FGF5: variants seen among roughly 807,000 people sequenced by gnomAD.
FGF5 encodes the protein fibroblast growth factor 5.
A neutral mutation model predicts 21.8 loss-of-function variants in FGF5; 23 were observed. The ratio of observed to expected loss-of-function variants is 1.05; its 90% CI spans 0.76 to 1.49. The LOEUF (loss-of-function observed/expected upper bound fraction) is 1.49, where lower values mean the gene tolerates loss of function less well. Among genes scored for constraint, FGF5 ranks in the 40% most tolerant of loss-of-function variants. The pLI is 0.00. For synonymous variants in FGF5, 158 were observed against 124.0 expected, an observed-to-expected ratio of 1.27 and a Z score of -1.82; for missense variants, 352 against 332.9, an observed-to-expected ratio of 1.06 and a Z score of -0.45.
chr4:80,273,472 C>T (rs1720326859), intron 1 of FGF5, among the ~76,000 whole-genome samples: 1 of 152,062 alleles, frequency 6.6e-6, no homozygotes, highest in Non-Finnish European at 1.5e-5. Flanking sequence ...AATAAAGTTA[C>T]TCACATATAT....
intron 1 of FGF5, among the ~76,000 whole-genome samples, chr4:80,271,736 T>C: frequency 6.6e-6 from 1 of 152,214 alleles, no homozygotes; most frequent in East Asian, 1.9e-4. Context: ...AAATACTGCC[T>C]TGGCATCCAT....
intron 1 of FGF5, among the ~76,000 whole-genome samples, chr4:80,273,428 A>T (rs1259127666): frequency 6.6e-6 from 1 of 152,188 alleles, no homozygotes; most frequent in African/African-American, 2.4e-5. Context: ...CTAGAATTAT[A>T]GATGTTAGCT....
chr4:80,278,636 C>T (rs533833387), intron 2 of FGF5, among the ~76,000 whole-genome samples: 7 of 152,296 alleles, frequency 4.6e-5, no homozygotes, highest in Middle Eastern at 3.4e-3. Context: ...ATTCAGGCAG[C>T]ATTGATGCTG....
intron 2 of FGF5, among the ~76,000 whole-genome samples, chr4:80,280,642 GATA>G (rs1720525998): frequency 6.6e-6 from 1 of 152,120 alleles, no homozygotes; most frequent in Non-Finnish European, 1.5e-5. Flanking sequence ...AAAAAAATCA[GATA>G]ATACTATCCT....
At chr4:80,268,560 C>T (rs1720169319) in intron 1 of FGF5, 25 of 984,432 alleles carry the variant, frequency 2.5e-5, no homozygotes, top group Non-Finnish European at 2.9e-5. Flanking sequence ...GTCGGAGGCG[C>T]GCAAGTGGGT....
intron 2 of FGF5, among the ~76,000 whole-genome samples, chr4:80,277,785 T>C (rs1170608351): frequency 6.6e-6 from 1 of 152,096 alleles, no homozygotes; most frequent in Non-Finnish European, 1.5e-5. Context: ...AAACTAAAAA[T>C]ATAAAATATT....
In FGF5 at chr4:80,275,030, A is replaced by C. The variant is rs780448467; in HGVS notation, c.459+18A>C. 9.2e-7 allele frequency: 1 copy of C among 1,088,772 alleles called. No individual in the cohort carries two copies. Among genetic ancestry groups the C allele is most frequent in the African/African-American group, 1.6e-5 (1 of 62,764 alleles). 67.4% of individuals were successfully genotyped at this position (1,088,772 alleles called of 1,614,324 possible). A position where few individuals can be genotyped will look rare whatever the true frequency, so the allele number is the denominator to read the frequency against. ...ATGCAAGTGTAAGTAGAACCACTTTATATTTGTTAAAGGTGCTATAAAGAT... is the reference window on the plus strand; with the variant it reads ...ATGCAAGTGTAAGTAGAACCACTTTCTATTTGTTAAAGGTGCTATAAAGAT... On this transcript the variant is annotated intron_variant, in intron 2 of 2. Coordinates refer to ENST00000312465, the MANE Select transcript of FGF5 (RefSeq NM_004464.4).
intron 2 of FGF5, among the ~76,000 whole-genome samples, chr4:80,285,840 AAC>A (rs1419712581): frequency 1.3e-5 from 2 of 152,220 alleles, no homozygotes; most frequent in Non-Finnish European, 2.9e-5. Context: ...TCACACTGAT[AAC>A]ATTGAAAAAA....
chr4:80,286,626 A>C lies in FGF5; in HGVS notation c.761A>C (p.Lys254Thr). ...KPKIPLSAPR[K>T]NTNSVKYRLK... ...AAGATTCCCCTTTCTGCACCTCGGA[A>C]AAATACCAACTCAGTGAAATACAGA... Residue 254 changes from lysine (K) to threonine (T), a missense_variant, in exon 3 of 3, where the codon AAA (lysine) becomes ACA (threonine). By Grantham distance (78) the Lys-to-Thr change is moderately conservative (BLOSUM62 -1). Coordinates refer to ENST00000312465, the MANE Select transcript of FGF5 (RefSeq NM_004464.4). The C allele has an allele frequency of 6.2e-7, 1 of 1,614,088 alleles. No individual in the cohort carries two copies. Among genetic ancestry groups the C allele is most frequent in the South Asian group, 1.1e-5 (1 of 91,082 alleles).
intron 2 of FGF5, 92 bp downstream of exon 2, chr4:80,275,104 T>C (rs2109921685): frequency 3.7e-6 from 2 of 537,402 alleles, no homozygotes; most frequent in East Asian, 6.8e-5. Context: ...GGTAAGAAAA[T>C]TTGCCCAAAG....
rs1319217818 is a variant in FGF5, at chr4:80,289,882, C to T, written c.*3210C>T. The T allele has an allele frequency of 6.6e-6, 1 of 151,978 alleles. No individual in the cohort carries two copies. The highest frequency in any genetic ancestry group is 1.5e-5 in the Non-Finnish European group (1 of 67,968). The allele number at this position is 151,978 out of a possible 1,614,324, so 9.4% of individuals were successfully genotyped here. On this transcript the variant is annotated 3_prime_UTR_variant, in exon 3 of 3. Coordinates refer to ENST00000312465, the MANE Select transcript of FGF5 (RefSeq NM_004464.4). The stretch of plus-strand genomic sequence containing the variant: ...AAAAATTACATATATAAAACTAAGG[C>T]TTTTATTTCTGTTATTTTTAAGCTT...
At position 80,286,339 on chromosome 4, in the gene FGF5, T is replaced by A; in HGVS notation, c.474T>A (p.Asp158Glu). 3 of 1,590,300 alleles carry A rather than the reference T, an allele frequency of 1.9e-6. No homozygotes were observed. The highest frequency in any genetic ancestry group is 1.1e-5 in the South Asian group (1 of 88,548). Reference sequence around the variant, plus strand: ...CTCCTCCTTAGGCCAAGTTCACAGATGACTGCAAGTTCAGGGAGCGTTTTC... The same window carrying A: ...CTCCTCCTTAGGCCAAGTTCACAGAAGACTGCAAGTTCAGGGAGCGTTTTC... ...GKLHASAKFT[D>E]DCKFRERFQE... The change falls in exon 3 of 3, where the codon GAT becomes GAA. Residue 158 changes from aspartate to glutamate, a missense_variant. Transcript: ENST00000312465.
chr4:80,279,466 A>G (rs1720496212), intron 2 of FGF5, among the ~76,000 whole-genome samples: 1 of 152,170 alleles, frequency 6.6e-6, no homozygotes, highest in African/African-American at 2.4e-5. Context: ...TATTCAGGCC[A>G]GCCCCAACTC....
In FGF5 at chr4:80,288,384, G is replaced by A. The variant is rs1433008549; in HGVS notation, c.*1712G>A. The A allele has an allele frequency of 1.3e-5, 2 of 151,870 alleles. No homozygotes were observed. Among genetic ancestry groups the A allele is most frequent in the Non-Finnish European group, 2.9e-5 (2 of 67,976 alleles). The allele number at this position is 151,870 out of a possible 1,614,324, so 9.4% of individuals were successfully genotyped here. On this transcript the variant is annotated 3_prime_UTR_variant, in exon 3 of 3. Transcript: ENST00000312465. The stretch of plus-strand genomic sequence containing the variant: ...ACTAAAACATTATATGTATACATCA[G>A]TATAGTGTTTTATTATAAAGCCAAT...
chr4:80,283,179 C>T (rs951996746), intron 2 of FGF5, among the ~76,000 whole-genome samples: 2 of 152,114 alleles, frequency 1.3e-5, no homozygotes, highest in African/African-American at 4.8e-5. Flanking sequence ...ATTAAGAAAG[C>T]CAAAACAGTC....
At chr4:80,273,625 T>C (rs781147004) in intron 1 of FGF5, among the ~76,000 whole-genome samples, 15 of 152,300 alleles carry the variant, frequency 9.8e-5, no homozygotes, top group South Asian at 2.1e-4. Flanking sequence ...TTAGTATATA[T>C]GCTTAGAATA....
chr4:80,267,279 C>G, intron 1 of FGF5, 100 bp downstream of exon 1: 1 of 976,336 alleles, frequency 1.0e-6, no homozygotes, highest in Non-Finnish European at 1.5e-6. Context: ...CCTTCCTGAG[C>G]CCAGGCCACT....
intron 1 of FGF5, among the ~76,000 whole-genome samples, chr4:80,269,330 T>C (rs1720203671): frequency 6.6e-6 from 1 of 152,166 alleles, no homozygotes; most frequent in African/African-American, 2.4e-5. Flanking sequence ...TTAGGTGTGC[T>C]AGAGATCTCA....
In FGF5 at chr4:80,274,994, A is replaced by C; in HGVS notation, c.441A>C (p.Lys147Asn). The C allele has an allele frequency of 6.4e-7, 1 of 1,550,552 alleles. No individual in the cohort carries two copies. Among genetic ancestry groups the C allele is most frequent in the African/African-American group, 1.4e-5 (1 of 73,396 alleles). ...ACAAATTTTTAGCGATGTCAAAAAAAGGAAAACTCCATGCAAGTGTAAGTA... is the reference window on the plus strand; with the variant it reads ...ACAAATTTTTAGCGATGTCAAAAAACGGAAAACTCCATGCAAGTGTAAGTA... ...FSNKFLAMSK[K>N]GKLHASAKFT... is the part of the protein sequence containing the mutation. Residue 147 changes from lysine to asparagine, a missense_variant, in exon 2 of 3, where the codon AAA becomes AAC. Coordinates refer to ENST00000312465, the MANE Select transcript of FGF5 (RefSeq NM_004464.4).
Sources: allele counts gnomAD v4.1 joint callset (sites outside exome capture counted in the v4.1 genomes callset), GRCh38; gene constraint gnomAD v4.1.1; transcripts MANE v1.5; gene names NCBI Gene and HGNC (gene_info 2026-07-23, HGNC 2026-07-21).